STON2: variants seen among roughly 807,000 people sequenced by gnomAD.
STON2 encodes the protein stonin-2.
Under a neutral mutation model 65.7 loss-of-function variants are expected in STON2, and 29 were observed. That is an observed-to-expected ratio of 0.44 (90% CI 0.33 to 0.60). The LOEUF (loss-of-function observed/expected upper bound fraction) is 0.60, where lower values mean the gene tolerates loss of function less well. Ranked by LOEUF, STON2 falls within the 20% of genes least tolerant of loss-of-function variation. STON2 has a pLI of 0.03. For synonymous variants in STON2, 404 were observed against 414.2 expected, an observed-to-expected ratio of 0.98 and a Z score of 0.30; for missense variants, 1,054 against 1,118.1, an observed-to-expected ratio of 0.94 and a Z score of 0.82.
At chr14:81,339,988 A>T (rs1897532446) in intron 4 of STON2, among the ~76,000 whole-genome samples, 1 of 151,848 alleles carries the variant, frequency 6.6e-6, no homozygotes, top group African/African-American at 2.4e-5. Flanking sequence ...CCCCATCTCT[A>T]CTAAAAATAC....
chr14:81,291,858 T>TATAC (rs1305034432), intron 5 of STON2, among the ~76,000 whole-genome samples: 26 of 137,726 alleles, frequency 1.9e-4, no homozygotes, highest in Non-Finnish European at 3.5e-4. Flanking sequence ...TTAGCATGGG[T>TATAC]ACACACACAC....
intron 3 of STON2, among the ~76,000 whole-genome samples, chr14:81,388,895 T>C (rs1899949198): frequency 6.6e-6 from 1 of 152,224 alleles, no homozygotes; most frequent in African/African-American, 2.4e-5. Context: ...ATAAAACAGC[T>C]GGCTAAGTAA....
chr14:81,343,655 T>C (rs116127925), intron 4 of STON2, among the ~76,000 whole-genome samples: 143 of 152,252 alleles, frequency 9.4e-4, no homozygotes, highest in African/African-American at 3.3e-3. Context: ...TCTACAACCT[T>C]AAAAAATTTT....
At chr14:81,307,281 T>C (rs997757235) in intron 5 of STON2, among the ~76,000 whole-genome samples, 1 of 152,246 alleles carries the variant, frequency 6.6e-6, no homozygotes, top group Non-Finnish European at 1.5e-5. Context: ...TTTGGAAGCA[T>C]TTCAGAACGG....
chr14:81,358,498 A>C (rs1332584437), intron 4 of STON2, among the ~76,000 whole-genome samples: 1 of 152,196 alleles, frequency 6.6e-6, no homozygotes, highest in East Asian at 1.9e-4. Flanking sequence ...ATGTATCTAC[A>C]AAACAACCAG....
In STON2 at chr14:81,264,536, C is replaced by CA; in HGVS notation, c.*3877dup. ...AGCTTTGTGCTAGGTGTTGGAAACA[C>CA]AAAAAATTATATATAGTCCTTGCCT... On this transcript the variant is annotated 3_prime_UTR_variant, in exon 8 of 8. Transcript: ENST00000614646. 2 of 984,648 alleles carry CA rather than the reference C, an allele frequency of 2.0e-6. No individual in the cohort carries two copies. Among genetic ancestry groups the CA allele is most frequent in the African/African-American group, 1.7e-5 (1 of 57,332 alleles). 61.0% of individuals were successfully genotyped at this position (984,648 alleles called of 1,614,324 possible).
At chr14:81,395,783 C>T in intron 3 of STON2, 111 bp downstream of exon 3, 3 of 1,117,326 alleles carry the variant, frequency 2.7e-6, no homozygotes, top group Non-Finnish European at 2.6e-6. Context: ...GCGACCAGTG[C>T]TTCAGGGTTA....
chr14:81,395,798 G>C (rs900606735), intron 3 of STON2, 96 bp downstream of exon 3: 1 of 1,249,962 alleles, frequency 8.0e-7, no homozygotes, highest in Non-Finnish European at 1.1e-6. Flanking sequence ...GGGTTAGGGG[G>C]CAGATGAAAT....
chr14:81,432,058 G>A (rs1285142435), intron 1 of STON2, among the ~76,000 whole-genome samples: 2 of 152,134 alleles, frequency 1.3e-5, no homozygotes, highest in Non-Finnish European at 2.9e-5. Context: ...CCAGCACTTA[G>A]AATGGTGATC....
Position 81,409,400 on chromosome 14 carries a change from A to C in STON2, c.-198-10820T>G, listed in dbSNP as rs532001209. ...AGCCTGCGTGACAGAGTGAGACTCCATCTCAAAAAAAAATAAAAATAAATA... is the reference window on the plus strand; with the variant it reads ...AGCCTGCGTGACAGAGTGAGACTCCCTCTCAAAAAAAAATAAAAATAAATA... On this transcript the variant is annotated intron_variant, in intron 2 of 8. Transcript: ENST00000553821. Among the ~76,000 whole-genome samples the C allele has an allele frequency of 4.3e-4, 63 of 147,204 alleles. 1 individual carries two copies.
chr14:81,424,226 T>C (rs1195057681), intron 2 of STON2, among the ~76,000 whole-genome samples: 2 of 152,054 alleles, frequency 1.3e-5, no homozygotes, highest in East Asian at 3.9e-4. Flanking sequence ...GGCAGATCAC[T>C]TGATGTCAGG....
intron 4 of STON2, among the ~76,000 whole-genome samples, chr14:81,330,984 C>T (rs757019419): frequency 2.6e-5 from 4 of 152,200 alleles, no homozygotes; most frequent in Non-Finnish European, 4.4e-5. Flanking sequence ...TTAATAATTT[C>T]CTATTGGTTC....
At chr14:81,427,260 G>T (rs1902025343) in intron 1 of STON2, 1 of 152,136 alleles carries the variant, frequency 6.6e-6, no homozygotes, top group Non-Finnish European at 1.5e-5. Context: ...CTCTTATCTG[G>T]CTTTCTTATA....
chr14:81,301,385 C>G (rs1895963055), intron 5 of STON2, among the ~76,000 whole-genome samples: 1 of 148,010 alleles, frequency 6.8e-6, no homozygotes, highest in Non-Finnish European at 1.5e-5. Context: ...TTTGTCACTA[C>G]CTTTAAGAAG....
chr14:81,318,153 G>A (rs947298998), intron 5 of STON2, among the ~76,000 whole-genome samples: 3 of 151,898 alleles, frequency 2.0e-5, no homozygotes, highest in East Asian at 1.9e-4. Context: ...TAGTAGAGAC[G>A]GGGTTTCACC....
chr14:81,316,455 G>C (rs548130898), intron 5 of STON2, among the ~76,000 whole-genome samples: 1 of 152,140 alleles, frequency 6.6e-6, no homozygotes, highest in Non-Finnish European at 1.5e-5. Context: ...GTAGGGAGGC[G>C]GGGTTTCTTA....
chr14:81,331,934 T>C (rs959709872), intron 4 of STON2, among the ~76,000 whole-genome samples: 1 of 152,236 alleles, frequency 6.6e-6, no homozygotes. Flanking sequence ...TGCATGACTG[T>C]CTGAGAGAAA....
At chr14:81,274,419 G>C (rs11621116) in intron 6 of STON2, among the ~76,000 whole-genome samples, 121,915 of 152,128 alleles carry the variant, frequency 0.8, 49,851 homozygotes, top group African/African-American at 0.93. Context: ...TGCCCTTGAG[G>C]CAACAGAACA....
intron 4 of STON2, among the ~76,000 whole-genome samples, chr14:81,325,842 G>C (rs1350989276): frequency 6.6e-6 from 1 of 152,094 alleles, no homozygotes; most frequent in Non-Finnish European, 1.5e-5. Context: ...AGTATGCACA[G>C]AGGGGCAGAC....
Sources: allele counts gnomAD v4.1 joint callset (sites outside exome capture counted in the v4.1 genomes callset), GRCh38; gene constraint gnomAD v4.1.1; transcripts MANE v1.5; gene names NCBI Gene and HGNC (gene_info 2026-07-23, HGNC 2026-07-21).